Variants in OR5H2 observed in about 807,000 individuals in gnomAD.
OR5H2 encodes the protein olfactory receptor family 5 subfamily H member 2.
For missense variants in OR5H2, 391 were observed against 364.4 expected (o/e 1.07, Z -0.59); for synonymous variants, 132 against 126.8 (o/e 1.04, Z -0.27).
At position 98,283,398 on chromosome 3, in the gene OR5H2, T is replaced by C; in HGVS notation, c.496T>C (p.Leu166=). 6.2e-7 allele frequency: 1 copy of C among 1,610,018 alleles called. No homozygotes were observed. The highest frequency in any genetic ancestry group is 8.5e-7 in the Non-Finnish European group (1 of 1,179,154). ...ALIHEVLIFR[L]TFCNSNIIHH... is the part of the protein sequence containing the mutation. ...AATTCATGAAGTCCTTATATTCAGA[T>C]TAACCTTCTGCAATTCTAACATAAT... Residue 166 remains leucine (L), a synonymous_variant, in exon 1 of 1, where the codon TTA becomes CTA. Transcript: ENST00000355273.
Position 98,283,509 on chromosome 3 carries a change from T to C in OR5H2, c.607T>C (p.Ser203Pro). The C allele has an allele frequency of 6.2e-7, 1 of 1,613,098 alleles. No individual in the cohort carries two copies. Among genetic ancestry groups the C allele is most frequent in the African/African-American group, 1.3e-5 (1 of 74,930 alleles). Residue 203 changes from serine to proline, a missense_variant, in exon 1 of 1, where the codon TCT (serine) becomes CCT (proline). Physicochemically the swap from Ser to Pro is moderately conservative, Grantham distance 74 (BLOSUM62 -1). Coordinates refer to ENST00000355273, the MANE Select transcript of OR5H2 (RefSeq NM_001005482.2). The part of the protein sequence containing the change: ...SINFLMVFIL[S>P]GSIQVFTIVT... Reference sequence around the variant, plus strand: ...TAATTTTCTAATGGTTTTTATTTTGTCTGGCTCAATTCAGGTATTCACCAT... The same window carrying C: ...TAATTTTCTAATGGTTTTTATTTTGCCTGGCTCAATTCAGGTATTCACCAT...
chr3:98,283,099 T>A lies in OR5H2; in HGVS notation c.197T>A (p.Leu66Ter). 1 of 1,614,082 alleles carries A rather than the reference T, an allele frequency of 6.2e-7. No individual in the cohort carries two copies. Among genetic ancestry groups the A allele is most frequent in the Non-Finnish European group, 8.5e-7 (1 of 1,179,952 alleles). ...CCCATGTACTTTTTTCTTGGGAGTT[T>A]AGCCTTTGTTGATGCTTGGATATCT... ...HIPMYFFLGS[L>*]AFVDAWISST... Residue 66 changes from leucine to a stop codon, truncating the protein, a stop_gained, in exon 1 of 1, where the codon TTA (leucine) becomes TAA (stop). Coordinates refer to ENST00000355273, the MANE Select transcript of OR5H2 (RefSeq NM_001005482.2). LOFTEE classifies it low-confidence loss of function (END_TRUNC).
Position 98,283,396 on chromosome 3 carries a change from G to T in OR5H2, c.494G>T (p.Arg165Ile). ...TTAATTCATGAAGTCCTTATATTCAGATTAACCTTCTGCAATTCTAACATA... is the reference window on the plus strand; with the variant it reads ...TTAATTCATGAAGTCCTTATATTCATATTAACCTTCTGCAATTCTAACATA... ...HALIHEVLIF[R>I]LTFCNSNIIH... The change falls in exon 1 of 1, where the codon AGA becomes ATA. Residue 165 changes from arginine to isoleucine, a missense_variant. Transcript: ENST00000355273. 1 of 1,610,090 alleles carries T rather than the reference G, an allele frequency of 6.2e-7. No homozygotes were observed. Among genetic ancestry groups the T allele is most frequent in the Non-Finnish European group, 8.5e-7 (1 of 1,179,186 alleles).
Position 98,283,525 on chromosome 3 carries a change from T to C in OR5H2, c.623T>C (p.Val208Ala), listed in dbSNP as rs915773542. 6.2e-7 allele frequency: 1 copy of C among 1,613,302 alleles called. No homozygotes were observed. The highest frequency in any genetic ancestry group is 1.7e-5 in the Admixed American group (1 of 59,720). Residue 208 changes from valine to alanine, a missense_variant, in exon 1 of 1, where the codon GTA (valine) becomes GCA (alanine). By Grantham distance (64) the Val-to-Ala change is moderately conservative (BLOSUM62 0). Transcript: ENST00000355273. ...MVFILSGSIQ[V>A]FTIVTVLNSY... ...TTTATTTTGTCTGGCTCAATTCAGG[T>C]ATTCACCATTGTGACAGTTCTTAAT...
Position 98,283,919 on chromosome 3 carries a change from T to C in OR5H2, c.*87T>C. On this transcript the variant is annotated 3_prime_UTR_variant, in exon 1 of 1. Transcript: ENST00000355273. ...GCTAAGTGTTCAAAGTTATTGTAAA[T>C]ATAATTGTTTTAGCATTTTAATGAC... 1.4e-6 allele frequency: 1 copy of C among 696,270 alleles called. No individual in the cohort carries two copies. Among genetic ancestry groups the C allele is most frequent in the Non-Finnish European group, 2.3e-6 (1 of 441,864 alleles). 43.1% of individuals were successfully genotyped at this position (696,270 alleles called of 1,614,324 possible). A position where few individuals can be genotyped will look rare whatever the true frequency, so the allele number is the denominator to read the frequency against.
Position 98,283,520 on chromosome 3 carries a change from T to C in OR5H2, c.618T>C (p.Ile206=). The C allele has an allele frequency of 6.2e-7, 1 of 1,613,084 alleles. No individual in the cohort carries two copies. Among genetic ancestry groups the C allele is most frequent in the African/African-American group, 1.3e-5 (1 of 74,942 alleles). The change falls in exon 1 of 1, where the codon ATT becomes ATC. Residue 206 remains isoleucine, a synonymous_variant. Transcript: ENST00000355273. Reference sequence around the variant, plus strand: ...TGGTTTTTATTTTGTCTGGCTCAATTCAGGTATTCACCATTGTGACAGTTC... The same window carrying C: ...TGGTTTTTATTTTGTCTGGCTCAATCCAGGTATTCACCATTGTGACAGTTC... ...FLMVFILSGS[I]QVFTIVTVLN...
Position 98,283,011 on chromosome 3 carries a change from A to T in OR5H2, c.109A>T (p.Ile37Phe), listed in dbSNP as rs201823172. Reference sequence around the variant, plus strand: ...CTTGGTGTTCTTGGTGATCTATCTCATCACTATTGTGTGGAACCTTGGTCT... The same window carrying T: ...CTTGGTGTTCTTGGTGATCTATCTCTTCACTATTGTGTGGAACCTTGGTCT... Reference protein sequence around the residue: ...LFLVFLVIYLITIVWNLGLIA... With the variant: ...LFLVFLVIYLFTIVWNLGLIA... Residue 37 changes from isoleucine (I) to phenylalanine (F), a missense_variant, in exon 1 of 1, where the codon ATC becomes TTC. Coordinates refer to ENST00000355273, the MANE Select transcript of OR5H2 (RefSeq NM_001005482.2). 6.2e-7 allele frequency: 1 copy of T among 1,611,942 alleles called. No individual in the cohort carries two copies. Among genetic ancestry groups the T allele is most frequent in the East Asian group, 2.2e-5 (1 of 44,862 alleles).
At position 98,283,277 on chromosome 3, in the gene OR5H2, C is replaced by G; in HGVS notation, c.375C>G (p.Ala125=). 6.2e-7 allele frequency: 1 copy of G among 1,613,844 alleles called. No individual in the cohort carries two copies. The highest frequency in any genetic ancestry group is 1.7e-4 in the Middle Eastern group (1 of 6,036). The change falls in exon 1 of 1, where the codon GCC becomes GCG. Residue 125 remains alanine, a synonymous_variant. Coordinates refer to ENST00000355273, the MANE Select transcript of OR5H2 (RefSeq NM_001005482.2). ...LATMAYDRYV[A]ICKPLLYPVI... ...CAATGGCATATGATCGCTATGTAGC[C>G]ATATGCAAACCTTTACTATATCCAG...
chr3:98,283,773 A>C lies in OR5H2; in HGVS notation c.871A>C (p.Ser291Arg), dbSNP rs568695795. 9 of 1,579,900 alleles carry C rather than the reference A, an allele frequency of 5.7e-6. No individual in the cohort carries two copies. In the African/African-American group the frequency reaches 1.2e-4, roughly 22 times the overall value. Residue 291 changes from serine (S) to arginine (R), a missense_variant, in exon 1 of 1, where the codon AGT (serine) becomes CGT (arginine). Transcript: ENST00000355273. ...TCCTTTGCTAAATCCCATTATCTACAGTCTGAGAAATAAACAAGTAATAGA... is the reference window on the plus strand; with the variant it reads ...TCCTTTGCTAAATCCCATTATCTACCGTCTGAGAAATAAACAAGTAATAGA... ...IIPLLNPIIYSLRNKQVIDSF... is the reference protein window; with the variant it reads ...IIPLLNPIIYRLRNKQVIDSF...
Position 98,282,964 on chromosome 3 carries a change from C to T in OR5H2, c.62C>T (p.Pro21Leu), listed in dbSNP as rs1330211023. The T allele has an allele frequency of 1.2e-6, 2 of 1,613,936 alleles. No homozygotes were observed. The highest frequency in any genetic ancestry group is 1.7e-5 in the Admixed American group (1 of 60,000). ...EFVLTGLTYQ[P>L]EWKMPLFLVF... is the part of the protein sequence containing the mutation. ...GTTCTCACAGGACTTACATATCAGC[C>T]AGAGTGGAAAATGCCCCTGTTCTTG... The change falls in exon 1 of 1, where the codon CCA (proline) becomes CTA (leucine). Residue 21 changes from proline to leucine, a missense_variant. By Grantham distance (98) the Pro-to-Leu change is moderately conservative. Coordinates refer to ENST00000355273, the MANE Select transcript of OR5H2 (RefSeq NM_001005482.2).
chr3:98,283,845 T>A lies in OR5H2; in HGVS notation c.*13T>A. 7.2e-7 allele frequency: 1 copy of A among 1,383,838 alleles called. No individual in the cohort carries two copies. The highest frequency in any genetic ancestry group is 9.9e-7 in the Non-Finnish European group (1 of 1,013,266). 85.7% of individuals were successfully genotyped at this position (1,383,838 alleles called of 1,614,324 possible). ...AAGAAATGTTTAGATTTCATAGTGA[T>A]ATCTCTCATTTTCAGTAAAAAGAAT... On this transcript the variant is annotated 3_prime_UTR_variant, in exon 1 of 1. Transcript: ENST00000355273.
rs1425854558 is a variant in OR5H2, at chr3:98,283,068, C to T, written c.166C>T (p.His56Tyr). 4 of 1,614,060 alleles carry T rather than the reference C, an allele frequency of 2.5e-6. No individual in the cohort carries two copies. The highest frequency in any genetic ancestry group is 1.7e-5 in the Admixed American group (1 of 60,020). Residue 56 changes from histidine to tyrosine, a missense_variant, in exon 1 of 1, where the codon CAC becomes TAC. His to Tyr is a moderately conservative substitution (Grantham distance 83). Transcript: ENST00000355273. The stretch of plus-strand genomic sequence containing the variant: ...TCTTATCTGGAATGACCCACAACTT[C>T]ACATCCCCATGTACTTTTTTCTTGG... Reference protein sequence around the residue: ...IALIWNDPQLHIPMYFFLGSL... With the variant: ...IALIWNDPQLYIPMYFFLGSL...
chr3:98,283,801 C>A lies in OR5H2; in HGVS notation c.899C>A (p.Ser300Ter). Reference protein sequence around the residue: ...YSLRNKQVIDSFTKMVKRNV With the variant: ...YSLRNKQVID ...CTGAGAAATAAACAAGTAATAGATT[C>A]ATTCACAAAAATGGTAAAAAGAAAT... Residue 300 changes from serine (S) to a stop codon, truncating the protein, a stop_gained, in exon 1 of 1, where the codon TCA (serine) becomes TAA (stop). Coordinates refer to ENST00000355273, the MANE Select transcript of OR5H2 (RefSeq NM_001005482.2). LOFTEE classifies it low-confidence loss of function (END_TRUNC). 2 of 1,541,096 alleles carry A rather than the reference C, an allele frequency of 1.3e-6. No individual in the cohort carries two copies. The highest frequency in any genetic ancestry group is 1.8e-6 in the Non-Finnish European group (2 of 1,139,630).
In OR5H2 at chr3:98,283,259, A is replaced by G. The variant is rs371054701; in HGVS notation, c.357A>G (p.Ala119=). Residue 119 remains alanine, a synonymous_variant, in exon 1 of 1, where the codon GCA becomes GCG. Coordinates refer to ENST00000355273, the MANE Select transcript of OR5H2 (RefSeq NM_001005482.2). ...TTECFLLATM[A]YDRYVAICKP... ...AATGTTTTCTCTTGGCAACAATGGC[A>G]TATGATCGCTATGTAGCCATATGCA... 1.9e-6 allele frequency: 3 copies of G among 1,613,972 alleles called. No individual in the cohort carries two copies. The highest frequency in any genetic ancestry group is 1.3e-5 in the African/African-American group (1 of 75,052).
In OR5H2 at chr3:98,282,564, TG is replaced by T; in HGVS notation, c.-338del. Among the ~76,000 whole-genome samples the T allele has an allele frequency of 6.6e-6, 1 of 152,330 alleles. No individual in the cohort carries two copies. The highest frequency in any genetic ancestry group is 2.1e-4 in the South Asian group (1 of 4,830). The stretch of plus-strand genomic sequence containing the variant: ...CACACTTGATGGCCACCTTGCAGGC[TG>T]TAACCCCTTATAAGAAATAAGTCTT... On this transcript the variant is annotated 5_prime_UTR_variant, in exon 1 of 1. It removes the in-frame stop codon of an upstream open reading frame in the 5' UTR. Transcript: ENST00000355273.
rs186180161 is a variant in OR5H2, at chr3:98,282,939, G to T, written c.37G>T (p.Val13Phe). ...TAATACAACATTGCTGACAGAGTTT[G>T]TTCTCACAGGACTTACATATCAGCC... ...QDNTTLLTEF[V>F]LTGLTYQPEW... is the part of the protein sequence containing the mutation. Residue 13 changes from valine to phenylalanine, a missense_variant, in exon 1 of 1, where the codon GTT (valine) becomes TTT (phenylalanine). Val to Phe is a conservative substitution (Grantham distance 50). Coordinates refer to ENST00000355273, the MANE Select transcript of OR5H2 (RefSeq NM_001005482.2). 18 of 1,613,934 alleles carry T rather than the reference G, an allele frequency of 1.1e-5. No individual in the cohort carries two copies. The highest frequency in any genetic ancestry group is 1.5e-5 in the Non-Finnish European group (18 of 1,179,884).
chr3:98,283,708 A>C lies in OR5H2; in HGVS notation c.806A>C (p.Asp269Ala), dbSNP rs756062410. 1.9e-6 allele frequency: 3 copies of C among 1,612,600 alleles called. No homozygotes were observed. In the South Asian group the frequency reaches 3.3e-5, roughly 18 times the overall value. ...YLRPASPQAD[D>A]QDMIDSVFYT... is the part of the protein sequence containing the mutation. ...CGCCCTGCATCTCCACAAGCAGATG[A>C]CCAAGATATGATAGACTCTGTCTTT... The change falls in exon 1 of 1, where the codon GAC (aspartate) becomes GCC (alanine). Residue 269 changes from aspartate (D) to alanine (A), a missense_variant. Coordinates refer to ENST00000355273, the MANE Select transcript of OR5H2 (RefSeq NM_001005482.2).
Position 98,282,867 on chromosome 3 carries a change from T to C in OR5H2, c.-36T>C, listed in dbSNP as rs557614704. The C allele has an allele frequency of 1.4e-5, 22 of 1,594,134 alleles. No individual in the cohort carries two copies. Among genetic ancestry groups the C allele is most frequent in the Non-Finnish European group, 1.9e-5 (22 of 1,164,006 alleles). On this transcript the variant is annotated 5_prime_UTR_variant, in exon 1 of 1. Transcript: ENST00000355273. Reference sequence around the variant, plus strand: ...AGTCTTAGTGAATGCTCTTTTACATTTACTGCATTTCATTTCAGGGATGTC... The same window carrying C: ...AGTCTTAGTGAATGCTCTTTTACATCTACTGCATTTCATTTCAGGGATGTC...
rs924345193 is a variant in OR5H2 at position 98,283,076 on chromosome 3, C to T, written c.174C>T (p.Pro58=). The change falls in exon 1 of 1, where the codon CCC becomes CCT. Residue 58 remains proline, a synonymous_variant. Coordinates refer to ENST00000355273, the MANE Select transcript of OR5H2 (RefSeq NM_001005482.2). ...GGAATGACCCACAACTTCACATCCC[C>T]ATGTACTTTTTTCTTGGGAGTTTAG... ...LIWNDPQLHI[P]MYFFLGSLAF... 5 of 1,614,004 alleles carry T rather than the reference C, an allele frequency of 3.1e-6. No homozygotes were observed. In the Admixed American group the frequency reaches 6.7e-5, roughly 22 times the overall value.
Sources: gnomAD v4.1 joint callset for allele counts (sites outside exome capture counted in the v4.1 genomes callset) on GRCh38, gnomAD v4.1.1 for gene constraint, MANE v1.5 for transcripts, NCBI Gene and HGNC (gene_info 2026-07-23, HGNC 2026-07-21) for gene names.